Variants in STXBP5L observed in about 807,000 individuals in gnomAD.
The protein encoded by STXBP5L is syntaxin binding protein 5L.
In STXBP5L, 65 loss-of-function variants were observed where a neutral mutation model predicts 144.5. The observed-to-expected ratio is 0.45, with a 90% confidence interval of 0.37 to 0.55. The LOEUF (loss-of-function observed/expected upper bound fraction) is 0.55, where lower values mean the gene tolerates loss of function less well. Among genes scored for constraint, STXBP5L ranks in the 20% least tolerant of loss-of-function variants. STXBP5L has a pLI of 0.00. For missense variants in STXBP5L, 1,298 were observed against 1,405.5 expected (o/e 0.92, Z 1.22); for synonymous variants, 505 against 469.6 (o/e 1.08, Z -0.97).
intron 18 of STXBP5L, among the ~76,000 whole-genome samples, chr3:121,272,003 G>T (rs1488499455): frequency 1.3e-5 from 2 of 152,178 alleles, no homozygotes; most frequent in Non-Finnish European, 1.5e-5. Flanking sequence ...ATCAGGAAAG[G>T]TACTTGATAT....
At chr3:121,008,227 A>G (rs1944497283) in intron 3 of STXBP5L, among the ~76,000 whole-genome samples, 1 of 151,810 alleles carries the variant, frequency 6.6e-6, no homozygotes, top group Non-Finnish European at 1.5e-5. Flanking sequence ...AGTAGCAACA[A>G]CTCTAGCCCC....
Position 120,935,437 on chromosome 3 carries a change from A to G in STXBP5L, c.190-19503A>G, listed in dbSNP as rs995378897. On this transcript the variant is annotated intron_variant, in intron 2 of 26. Transcript: ENST00000471454. ...GAATTTAATTTAAAAAGTTTTTTTT[A>G]CCCTTATTTATTATTTCCCTAACAG... Among the ~76,000 whole-genome samples, 3 of 149,880 alleles carry G rather than the reference A, an allele frequency of 2.0e-5. No homozygotes were observed. The South Asian group carries it at 6.3e-4, about 32-fold the overall frequency.
intron 7 of STXBP5L, among the ~76,000 whole-genome samples, chr3:121,138,549 T>A (rs576452821): frequency 6.6e-6 from 1 of 151,978 alleles, no homozygotes; most frequent in Non-Finnish European, 1.5e-5. Flanking sequence ...GGTGCTGGCA[T>A]AAAAACAGAT....
At chr3:121,234,118 T>G (rs954674915) in intron 12 of STXBP5L, among the ~76,000 whole-genome samples, 2 of 152,152 alleles carry the variant, frequency 1.3e-5, no homozygotes, top group Non-Finnish European at 2.9e-5. Flanking sequence ...CTTTTATTCC[T>G]TTTTCATTAT....
intron 10 of STXBP5L, among the ~76,000 whole-genome samples, chr3:121,208,041 T>C (rs1003109119): frequency 6.6e-5 from 10 of 152,180 alleles, no homozygotes; most frequent in African/African-American, 2.4e-4. Flanking sequence ...CATGTATGTT[T>C]ATTGCAGCAC....
At chr3:121,050,783 G>A (rs1490577524) in intron 5 of STXBP5L, among the ~76,000 whole-genome samples, 1 of 152,128 alleles carries the variant, frequency 6.6e-6, no homozygotes, top group Non-Finnish European at 1.5e-5. Flanking sequence ...AAAAGACACA[G>A]ACTGGCAAAT....
intron 20 of STXBP5L, among the ~76,000 whole-genome samples, chr3:121,374,165 T>A (rs1031528987): frequency 6.6e-6 from 1 of 152,124 alleles, no homozygotes; most frequent in Non-Finnish European, 1.5e-5. Context: ...AACTGCAGCC[T>A]ATGCCACTAA....
chr3:121,283,013 G>T (rs1423953206), intron 19 of STXBP5L, among the ~76,000 whole-genome samples: 1 of 151,876 alleles, frequency 6.6e-6, no homozygotes, highest in Non-Finnish European at 1.5e-5. Context: ...GAGTGAGAGT[G>T]TGTGTGACTG....
intron 3 of STXBP5L, among the ~76,000 whole-genome samples, chr3:121,025,908 A>G (rs1366500749): frequency 7.0e-6 from 1 of 142,198 alleles, no homozygotes; most frequent in Non-Finnish European, 1.5e-5. Context: ...TAAATTATAT[A>G]AATTTATAAA....
At chr3:121,212,722 T>G (rs2048625884) in intron 10 of STXBP5L, among the ~76,000 whole-genome samples, 1 of 152,186 alleles carries the variant, frequency 6.6e-6, no homozygotes, top group Non-Finnish European at 1.5e-5. Context: ...CATATGAAAT[T>G]TAAAGTAGCT....
chr3:120,969,314 A>T (rs567107420), intron 3 of STXBP5L, among the ~76,000 whole-genome samples: 12 of 148,106 alleles, frequency 8.1e-5, no homozygotes, highest in African/African-American at 2.7e-4. Context: ...GTGTTTTTTC[A>T]TATGTTTGTT....
At chr3:121,178,068 T>C (rs1468571492) in intron 9 of STXBP5L, among the ~76,000 whole-genome samples, 2 of 152,146 alleles carry the variant, frequency 1.3e-5, no homozygotes, top group African/African-American at 4.8e-5. Flanking sequence ...AAGGTACCTA[T>C]ACTATCAAAT....
At chr3:121,029,235 A>C (rs1293985475) in intron 3 of STXBP5L, among the ~76,000 whole-genome samples, 3 of 152,122 alleles carry the variant, frequency 2.0e-5, no homozygotes, top group African/African-American at 7.2e-5. Flanking sequence ...AATCCTAAGC[A>C]AAAAGAACAA....
At chr3:121,401,265 G>A (rs932723130) in intron 22 of STXBP5L, among the ~76,000 whole-genome samples, 35 of 152,110 alleles carry the variant, frequency 2.3e-4, no homozygotes, top group African/African-American at 5.3e-4. Flanking sequence ...AGGGCACCAC[G>A]ATTGCTTTCC....
intron 22 of STXBP5L, among the ~76,000 whole-genome samples, chr3:121,390,632 C>T (rs2046557812): frequency 6.6e-6 from 1 of 152,090 alleles, no homozygotes; most frequent in African/African-American, 2.4e-5. Context: ...GATTTTATTT[C>T]TCCTTCACTA....
chr3:120,914,530 G>A (rs1709009355), intron 2 of STXBP5L, among the ~76,000 whole-genome samples: 1 of 152,090 alleles, frequency 6.6e-6, no homozygotes, highest in Non-Finnish European at 1.5e-5. Context: ...CAGGACCCTA[G>A]CAAGATGAAA....
At chr3:121,237,831 G>A (rs1463974898) in intron 12 of STXBP5L, among the ~76,000 whole-genome samples, 1 of 152,188 alleles carries the variant, frequency 6.6e-6, no homozygotes, top group Non-Finnish European at 1.5e-5. Flanking sequence ...CTCTGCTACA[G>A]TGCAACAATG....
chr3:121,134,027 A>G (rs2045124667), intron 7 of STXBP5L, among the ~76,000 whole-genome samples: 1 of 152,214 alleles, frequency 6.6e-6, no homozygotes, highest in Non-Finnish European at 1.5e-5. Context: ...GCCAAACCAT[A>G]TCAGCTCTCT....
Position 121,143,293 on chromosome 3 carries a change from T to TAA in STXBP5L, c.670-9172_670-9171dup, listed in dbSNP as rs531040209. Among the ~76,000 whole-genome samples the TAA allele has an allele frequency of 8.5e-3, 1,178 of 138,964 alleles. 9 individuals carry two copies. The highest frequency in any genetic ancestry group is 0.023 in the African/African-American group (898 of 38,546). The allele number at this position is 138,964 out of a possible 152,430, so 91.2% of individuals were successfully genotyped here. ...GAAGAAATAACATCAGTCCTTAAAT[T>TAA]AAAAAAAAAAAAACAACTTGAAAAG... On this transcript the variant is annotated intron_variant, in intron 7 of 26. Transcript: ENST00000471454.
Sources: gnomAD v4.1 joint callset for allele counts (sites outside exome capture counted in the v4.1 genomes callset) on GRCh38, gnomAD v4.1.1 for gene constraint, MANE v1.5 for transcripts, NCBI Gene and HGNC (gene_info 2026-07-23, HGNC 2026-07-21) for gene names.